APBB2: variants seen among roughly 807,000 people sequenced by gnomAD.
APBB2 encodes Fe65-like 1.
APBB2 carries 38 observed loss-of-function variants against 82.5 expected under a neutral mutation model. The observed-to-expected ratio is 0.46, with a 90% confidence interval of 0.36 to 0.60. APBB2 has a LOEUF of 0.60. Ranked by LOEUF, APBB2 falls within the 20% of genes least tolerant of loss-of-function variation. The pLI, the probability that APBB2 is intolerant of heterozygous loss-of-function variation, is 0.00. For missense variants in APBB2, 772 were observed against 972.3 expected, an observed-to-expected ratio of 0.79 and a Z score of 2.74; for synonymous variants, 341 against 368.2, an observed-to-expected ratio of 0.93 and a Z score of 0.85.
At chr4:41,138,261 T>A (rs1758143308) in intron 2 of APBB2, 2 of 152,160 alleles carry the variant, frequency 1.3e-5, no homozygotes, top group Admixed American at 1.3e-4. Flanking sequence ...ATCAAAATCA[T>A]GAGCTTTGAA....
chr4:41,143,770 C>T lies in APBB2; in HGVS notation c.-416-628G>A, dbSNP rs184154263. On this transcript the variant is annotated intron_variant, in intron 1 of 17. Coordinates refer to ENST00000508593, the MANE Select transcript of APBB2 (RefSeq NM_004307.2). ...TAGGCTACATAATCCAAAGGGGAAA[C>T]GAATAATCTTTCATTTCCTAATAGA... Among the ~76,000 whole-genome samples, 6 of 152,192 alleles carry T rather than the reference C, an allele frequency of 3.9e-5. No homozygotes were observed. In the South Asian group the frequency reaches 6.2e-4, roughly 16 times the overall value.
At chr4:40,992,018 A>G (rs950325531) in intron 6 of APBB2, among the ~76,000 whole-genome samples, 4 of 152,064 alleles carry the variant, frequency 2.6e-5, no homozygotes, top group African/African-American at 9.7e-5. Flanking sequence ...CACACACACC[A>G]CACTCACACT....
chr4:40,827,299 G>T, intron 13 of APBB2, 80 bp from the exon 14 acceptor site: 1 of 1,252,228 alleles, frequency 8.0e-7, no homozygotes, highest in Non-Finnish European at 1.2e-6. Flanking sequence ...AAAGTGTCTA[G>T]GTTGACTTCA....
chr4:40,819,754 G>A (rs1747146120), intron 17 of APBB2, among the ~76,000 whole-genome samples: 2 of 152,014 alleles, frequency 1.3e-5, no homozygotes, highest in Non-Finnish European at 2.9e-5. Flanking sequence ...CTGCTTTTAG[G>A]GCCTCCACTT....
At chr4:41,128,714 G>C (rs940428568) in intron 2 of APBB2, among the ~76,000 whole-genome samples, 7 of 152,178 alleles carry the variant, frequency 4.6e-5, no homozygotes, top group African/African-American at 1.7e-4. Context: ...CCTCATGGAA[G>C]TGACATTCTG....
At chr4:41,128,531 T>C (rs1465241213) in intron 2 of APBB2, among the ~76,000 whole-genome samples, 1 of 152,262 alleles carries the variant, frequency 6.6e-6, no homozygotes, top group Admixed American at 6.5e-5. Flanking sequence ...AATAATATAA[T>C]TGTAATCACT....
intron 17 of APBB2, among the ~76,000 whole-genome samples, chr4:40,816,921 A>G (rs1020153806): frequency 2.6e-5 from 4 of 152,256 alleles, no homozygotes; most frequent in Non-Finnish European, 5.9e-5. Flanking sequence ...CATGGTACAT[A>G]CAAGTCTAAA....
chr4:41,067,368 C>T (rs1732270614), intron 3 of APBB2, among the ~76,000 whole-genome samples: 1 of 150,474 alleles, frequency 6.6e-6, no homozygotes, highest in African/African-American at 2.4e-5. Flanking sequence ...GAGATCGTGC[C>T]ATTGCATACT....
chr4:40,841,151 A>G (rs1454809124), intron 12 of APBB2, among the ~76,000 whole-genome samples: 1 of 152,114 alleles, frequency 6.6e-6, no homozygotes, highest in African/African-American at 2.4e-5. Flanking sequence ...GCAGCACATC[A>G]CAGGGGAAAA....
At chr4:40,910,020 G>A (rs926429880) in intron 10 of APBB2, among the ~76,000 whole-genome samples, 1 of 152,042 alleles carries the variant, frequency 6.6e-6, no homozygotes, top group Non-Finnish European at 1.5e-5. Context: ...GATTTGATCT[G>A]AGGTTCACCG....
chr4:41,130,789 C>A (rs1385491305), intron 2 of APBB2, among the ~76,000 whole-genome samples: 1 of 152,126 alleles, frequency 6.6e-6, no homozygotes. Flanking sequence ...TCCGCCCTCC[C>A]TTCTCTCCAT....
At chr4:41,021,751 G>C (rs1711612335) in intron 5 of APBB2, among the ~76,000 whole-genome samples, 1 of 152,122 alleles carries the variant, frequency 6.6e-6, no homozygotes, top group Admixed American at 6.5e-5. Flanking sequence ...CACTGTGGAA[G>C]CTTTGTTCTT....
chr4:40,852,856 G>T (rs1759921648), intron 12 of APBB2, among the ~76,000 whole-genome samples: 1 of 152,122 alleles, frequency 6.6e-6, no homozygotes, highest in Admixed American at 6.5e-5. Flanking sequence ...GCCCAGGCTG[G>T]TCTTAAACTC....
chr4:40,928,387 A>AACACACACAC (rs34694637), intron 10 of APBB2, among the ~76,000 whole-genome samples: 16 of 112,802 alleles, frequency 1.4e-4, no homozygotes, highest in Non-Finnish European at 2.6e-4. Flanking sequence ...TACTAAAGAA[A>AACACACACAC]ACACACACAC....
At position 41,133,868 on chromosome 4, in the gene APBB2, G is replaced by A. The variant is rs1435230386; in HGVS notation, c.-261+9119C>T. ...TCCTTCTCTAAGCAGCTGCTTAGGA[G>A]TATCTGATTCCCCCAGCCACCAAAA... On this transcript the variant is annotated intron_variant, in intron 2 of 17. Coordinates refer to ENST00000508593, the MANE Select transcript of APBB2 (RefSeq NM_004307.2). 2.0e-5 allele frequency among the ~76,000 whole-genome samples: 3 copies of A among 152,286 alleles called. No homozygotes were observed. In the South Asian group the frequency reaches 6.2e-4, roughly 32 times the overall value.
At chr4:41,187,108 G>A (rs1192206441) in intron 1 of APBB2, among the ~76,000 whole-genome samples, 2 of 152,124 alleles carry the variant, frequency 1.3e-5, no homozygotes, top group Non-Finnish European at 2.9e-5. Flanking sequence ...ATAAAATCAA[G>A]TCAGAGATGA....
chr4:40,947,208 G>A (rs1473367906), intron 6 of APBB2, among the ~76,000 whole-genome samples: 1 of 152,184 alleles, frequency 6.6e-6, no homozygotes, highest in East Asian at 1.9e-4. Context: ...TAGGTTTTGG[G>A]ATAAAGTTGG....
chr4:41,213,142 C>T (rs1056483956), intron 1 of APBB2, among the ~76,000 whole-genome samples: 5 of 151,596 alleles, frequency 3.3e-5, no homozygotes, highest in African/African-American at 1.2e-4. Flanking sequence ...GATCAAACTG[C>T]CATTGTGTTT....
In APBB2 at chr4:41,024,476, CGAAA is replaced by C. The variant is rs550576373; in HGVS notation, c.19+8756_19+8759del. Among the ~76,000 whole-genome samples, 18 of 152,046 alleles carry C rather than the reference CGAAA, an allele frequency of 1.2e-4. No individual in the cohort carries two copies. The East Asian group carries it at 3.3e-3, about 28-fold the overall frequency. ...CCTATTGAGGGAGGAAATTGAAGAA[CGAAA>C]GAAAAATAAAATTAAAAAGAGAAAA... On this transcript the variant is annotated intron_variant, in intron 5 of 17. Transcript: ENST00000508593.
Sources: gnomAD v4.1 joint callset for allele counts (sites outside exome capture counted in the v4.1 genomes callset) on GRCh38, gnomAD v4.1.1 for gene constraint, MANE v1.5 for transcripts, NCBI Gene and HGNC (gene_info 2026-07-23, HGNC 2026-07-21) for gene names.